The following ADAM10 variants were observed in gnomAD, a reference collection of about 807,000 sequenced individuals.
ADAM10 encodes ADAM metallopeptidase domain 10.
In ADAM10, 17 loss-of-function variants were observed where a neutral mutation model predicts 90.1. The ratio of observed to expected loss-of-function variants is 0.19; its 90% CI spans 0.13 to 0.28. ADAM10 has a LOEUF of 0.28. ADAM10 is among the 10% of genes least tolerant of loss of function. The pLI is 1.00. For synonymous variants in ADAM10, 310 were observed against 298.6 expected (o/e 1.04, Z -0.40); for missense variants, 610 against 914.3 (o/e 0.67, Z 4.29).
intron 2 of ADAM10, among the ~76,000 whole-genome samples, chr15:58,715,522 T>C (rs1898629554): frequency 6.6e-6 from 1 of 152,260 alleles, no homozygotes; most frequent in Middle Eastern, 3.4e-3. Flanking sequence ...AAGTTCTCCC[T>C]CCTTTGAATA....
intron 1 of ADAM10, among the ~76,000 whole-genome samples, chr15:58,730,340 G>A (rs192310710): frequency 1.7e-3 from 263 of 152,268 alleles, no homozygotes; most frequent in African/African-American, 6.1e-3. Context: ...AGTTCCAGCT[G>A]GCCACCTGTT....
At chr15:58,739,996 G>A (rs1206605230) in intron 1 of ADAM10, among the ~76,000 whole-genome samples, 1 of 152,170 alleles carries the variant, frequency 6.6e-6, no homozygotes, top group Non-Finnish European at 1.5e-5. Context: ...ATCCTAATGT[G>A]AGTGAGACAC....
chr15:58,749,450 G>A (rs1274757943), intron 1 of ADAM10, 30 bp downstream of exon 1: 2 of 1,523,432 alleles, frequency 1.3e-6, no homozygotes, highest in Non-Finnish European at 1.8e-6. Context: ...CGTGGTCGCG[G>A]CGCCCCCGGC....
In ADAM10 at chr15:58,749,600, G is replaced by A. The variant is rs200222452; in HGVS notation, c.-66C>T. The A allele has an allele frequency of 1.2e-5, 19 of 1,548,114 alleles. No individual in the cohort carries two copies. In the South Asian group the frequency reaches 2.0e-4, roughly 17 times the overall value. ...TAACAGCAGCACATCGATCCGGAGG[G>A]AGAAGCTGAAGGGGCTTGGTCCGGA... On this transcript the variant is annotated 5_prime_UTR_variant, in exon 1 of 16. Coordinates refer to ENST00000260408, the MANE Select transcript of ADAM10 (RefSeq NM_001110.4).
At chr15:58,613,040 C>G (rs1393519578) in intron 11 of ADAM10, among the ~76,000 whole-genome samples, 1 of 152,168 alleles carries the variant, frequency 6.6e-6, no homozygotes, top group African/African-American at 2.4e-5. Flanking sequence ...AGAGGGATCC[C>G]CTTGGCTAAG....
At chr15:58,633,459 TC>T in intron 8 of ADAM10, 100 bp from the exon 9 acceptor site, 8 of 1,053,974 alleles carry the variant, frequency 7.6e-6, no homozygotes, top group Non-Finnish European at 1.1e-5. Flanking sequence ...TATATTTTAA[TC>T]TAAAATAGAA....
intron 2 of ADAM10, among the ~76,000 whole-genome samples, chr15:58,696,450 CT>C (rs1440401637): frequency 1.2e-4 from 18 of 149,170 alleles, no homozygotes; most frequent in Admixed American, 6.6e-5. Flanking sequence ...ATACTGATTT[CT>C]TTTTTTCTTT....
chr15:58,603,721 G>C (rs1374290745), intron 14 of ADAM10, among the ~76,000 whole-genome samples: 2 of 151,622 alleles, frequency 1.3e-5, no homozygotes, highest in Non-Finnish European at 2.9e-5. Context: ...GTAGGAGAGA[G>C]GAAAAAAAGC....
intron 2 of ADAM10, among the ~76,000 whole-genome samples, chr15:58,684,638 C>T (rs1327663528): frequency 2.0e-5 from 3 of 152,340 alleles, no homozygotes; most frequent in African/African-American, 2.4e-5. Context: ...ATCTCTTCCA[C>T]TTAGGTGATC....
chr15:58,719,002 C>G (rs1403638774), intron 1 of ADAM10, among the ~76,000 whole-genome samples: 2 of 152,212 alleles, frequency 1.3e-5, no homozygotes, highest in Non-Finnish European at 2.9e-5. Flanking sequence ...TCTCAGGGTC[C>G]TTCACTACCT....
At chr15:58,658,078 G>T (rs1002520870) in intron 5 of ADAM10, among the ~76,000 whole-genome samples, 2 of 151,930 alleles carry the variant, frequency 1.3e-5, no homozygotes, top group Admixed American at 6.5e-5. Flanking sequence ...GGGAATTTTT[G>T]TGCCTTGAGA....
chr15:58,706,335 G>C (rs1234936960), intron 2 of ADAM10, among the ~76,000 whole-genome samples: 2 of 152,100 alleles, frequency 1.3e-5, no homozygotes, highest in African/African-American at 4.8e-5. Flanking sequence ...AAATGAAGCA[G>C]GCCTATGACA....
At chr15:58,661,425 A>G (rs1479133988) in intron 5 of ADAM10, among the ~76,000 whole-genome samples, 9 of 152,118 alleles carry the variant, frequency 5.9e-5, no homozygotes, top group African/African-American at 2.2e-4. Context: ...TGAATATAGA[A>G]TCCTAGTTTG....
intron 1 of ADAM10, among the ~76,000 whole-genome samples, chr15:58,735,735 G>A (rs1460205406): frequency 2.0e-5 from 3 of 151,866 alleles, no homozygotes; most frequent in South Asian, 2.1e-4. Context: ...AGACACAGAG[G>A]GTCAACTGGT....
chr15:58,600,334 A>T (rs1336702443), intron 14 of ADAM10, among the ~76,000 whole-genome samples: 1 of 152,204 alleles, frequency 6.6e-6, no homozygotes, highest in Admixed American at 6.5e-5. Context: ...GAATAGATTT[A>T]AAAATTACTC....
At chr15:58,712,806 A>T (rs1898519933) in intron 2 of ADAM10, among the ~76,000 whole-genome samples, 1 of 152,164 alleles carries the variant, frequency 6.6e-6, no homozygotes, top group Admixed American at 6.5e-5. Flanking sequence ...AGCCTGGGTG[A>T]CACAGCGAGA....
At position 58,589,963 on chromosome 15, in the gene ADAM10, T is replaced by C. The variant is rs1015862887; in HGVS notation, c.*7584A>G. ...AATGAATGCAATGCAAAGCAAAAAA[T>C]GAAAAAACATTTAAAAAAATAAAGG... On this transcript the variant is annotated 3_prime_UTR_variant, in exon 16 of 16. Coordinates refer to ENST00000260408, the MANE Select transcript of ADAM10 (RefSeq NM_001110.4). 6.6e-6 allele frequency: 1 copy of C among 151,714 alleles called. No homozygotes were observed. The highest frequency in any genetic ancestry group is 1.5e-5 in the Non-Finnish European group (1 of 67,962). The allele number at this position is 151,714 out of a possible 1,614,324, so 9.4% of individuals were successfully genotyped here.
At chr15:58,624,000 G>GC (rs1895864290) in intron 10 of ADAM10, among the ~76,000 whole-genome samples, 1 of 150,938 alleles carries the variant, frequency 6.6e-6, no homozygotes, top group East Asian at 1.9e-4. Context: ...AAAAAAAAGG[G>GC]GGGGCCAGGC....
rs1469876318 is a variant in ADAM10 at position 58,633,102 on chromosome 15, T to G, written c.1176+94A>C. ...GACATAAAAACTAAACACTCGTAAG[T>G]ACATTTGTTTTCACGGTGAATTTTA... On this transcript the variant is annotated intron_variant, in intron 9 of 15. Coordinates refer to ENST00000260408, the MANE Select transcript of ADAM10 (RefSeq NM_001110.4). The G allele has an allele frequency of 2.5e-6, 3 of 1,215,268 alleles. No individual in the cohort carries two copies. The African/African-American group carries it at 4.5e-5, about 18-fold the overall frequency. The allele number at this position is 1,215,268 out of a possible 1,614,324, so 75.3% of individuals were successfully genotyped here.
Sources: gnomAD v4.1 joint callset for allele counts (sites outside exome capture counted in the v4.1 genomes callset) on GRCh38, gnomAD v4.1.1 for gene constraint, MANE v1.5 for transcripts, NCBI Gene and HGNC (gene_info 2026-07-23, HGNC 2026-07-21) for gene names.